ADAMTS12: variants seen among roughly 807,000 people sequenced by gnomAD.
ADAMTS12 encodes the protein A disintegrin and metalloproteinase with thrombospondin motifs 12.
In ADAMTS12, 118 loss-of-function variants were observed where a neutral mutation model predicts 167.8. That is an observed-to-expected ratio of 0.70 (90% confidence interval 0.61 to 0.82). The LOEUF (loss-of-function observed/expected upper bound fraction) is 0.82. Among genes scored for constraint, ADAMTS12 ranks in the 40% least tolerant of loss-of-function variants. The pLI is 0.00. For missense variants in ADAMTS12, 1,916 were observed against 1,998.8 expected (o/e 0.96, Z 0.79); for synonymous variants, 704 against 716.9 (o/e 0.98, Z 0.29).
intron 2 of ADAMTS12, among the ~76,000 whole-genome samples, chr5:33,824,155 A>G (rs983574379): frequency 6.6e-6 from 1 of 152,220 alleles, no homozygotes; most frequent in African/African-American, 2.4e-5. Context: ...AAGCACTAAG[A>G]TATCCTAAGA....
chr5:33,610,800 C>T (rs1738692604), intron 16 of ADAMTS12, among the ~76,000 whole-genome samples: 1 of 152,192 alleles, frequency 6.6e-6, no homozygotes, highest in African/African-American at 2.4e-5. Context: ...GGCACAGTGG[C>T]TCATGCCTGT....
At chr5:33,612,092 T>C (rs978597129) in intron 16 of ADAMTS12, among the ~76,000 whole-genome samples, 5 of 152,382 alleles carry the variant, frequency 3.3e-5, no homozygotes, top group East Asian at 1.9e-4. Context: ...GTGTGAATAA[T>C]AGCATTTCAT....
At chr5:33,601,308 T>G (rs1738177328) in intron 16 of ADAMTS12, among the ~76,000 whole-genome samples, 1 of 152,180 alleles carries the variant, frequency 6.6e-6, no homozygotes, top group African/African-American at 2.4e-5. Flanking sequence ...ATAGGGTTGT[T>G]GTGAGGACAA....
chr5:33,609,676 C>T (rs1404543917), intron 16 of ADAMTS12, among the ~76,000 whole-genome samples: 1 of 152,090 alleles, frequency 6.6e-6, no homozygotes, highest in Admixed American at 6.6e-5. Flanking sequence ...GTAAATAAGT[C>T]AACGTAAACA....
At chr5:33,658,873 T>C (rs1018893892) in intron 6 of ADAMTS12, among the ~76,000 whole-genome samples, 1 of 152,204 alleles carries the variant, frequency 6.6e-6, no homozygotes, top group African/African-American at 2.4e-5. Flanking sequence ...TATGAGAGAA[T>C]GCATGCCTGT....
intron 2 of ADAMTS12, among the ~76,000 whole-genome samples, chr5:33,829,322 C>G (rs969865329): frequency 3.9e-5 from 6 of 152,168 alleles, no homozygotes; most frequent in Admixed American, 6.5e-5. Context: ...AAGCTTCATC[C>G]AGATATGACC....
At chr5:33,753,158 T>A (rs560005632) in intron 2 of ADAMTS12, among the ~76,000 whole-genome samples, 3 of 152,302 alleles carry the variant, frequency 2.0e-5, no homozygotes, top group South Asian at 2.1e-4. Context: ...GGGAATCAAA[T>A]GAGGTGAAGC....
intron 2 of ADAMTS12, among the ~76,000 whole-genome samples, chr5:33,759,129 C>A (rs1745263490): frequency 6.6e-6 from 1 of 152,220 alleles, no homozygotes; most frequent in African/African-American, 2.4e-5. Flanking sequence ...AAGCCTCCAG[C>A]ACATCCCAGG....
intron 2 of ADAMTS12, among the ~76,000 whole-genome samples, chr5:33,858,665 AAAAAAGAAAAG>A (rs1308384788): frequency 6.8e-6 from 1 of 146,818 alleles, no homozygotes; most frequent in African/African-American, 2.6e-5. Flanking sequence ...CTCAAAAAAA[AAAAAAGAAAAG>A]AAAAAAGAAA....
chr5:33,635,395 T>C (rs1740141609), intron 12 of ADAMTS12, among the ~76,000 whole-genome samples: 1 of 152,174 alleles, frequency 6.6e-6, no homozygotes. Flanking sequence ...CTGTGTGTTT[T>C]CGTGCTTAAT....
At chr5:33,532,198 A>G (rs1426331156) in intron 23 of ADAMTS12, among the ~76,000 whole-genome samples, 3 of 152,208 alleles carry the variant, frequency 2.0e-5, no homozygotes, top group Non-Finnish European at 4.4e-5. Context: ...TCAGGCGATA[A>G]TATTTTTTTC....
chr5:33,813,684 T>C (rs1747544398), intron 2 of ADAMTS12, among the ~76,000 whole-genome samples: 1 of 152,052 alleles, frequency 6.6e-6, no homozygotes, highest in African/African-American at 2.4e-5. Context: ...ATATGGAAAA[T>C]AATTAAGGTC....
chr5:33,622,793 C>G (rs931022074), intron 14 of ADAMTS12, among the ~76,000 whole-genome samples: 13 of 152,192 alleles, frequency 8.5e-5, no homozygotes. Context: ...CTTGTAAAAA[C>G]ATTGGCTATC....
chr5:33,768,030 T>C (rs1361237567), intron 2 of ADAMTS12, among the ~76,000 whole-genome samples: 2 of 152,184 alleles, frequency 1.3e-5, no homozygotes, highest in Non-Finnish European at 2.9e-5. Flanking sequence ...AACTGGCACA[T>C]ATTTTTTCTA....
chr5:33,573,817 A>G (rs1409989203), intron 19 of ADAMTS12, among the ~76,000 whole-genome samples: 155 of 152,292 alleles, frequency 1.0e-3, no homozygotes, highest in African/African-American at 3.5e-3. Flanking sequence ...GCAACCTACA[A>G]AATGGGAGAA....
At chr5:33,664,418 GGAAAGACAGC>G (rs1741392887) in intron 5 of ADAMTS12, among the ~76,000 whole-genome samples, 1 of 151,886 alleles carries the variant, frequency 6.6e-6, no homozygotes, top group South Asian at 2.1e-4. Context: ...ATTCACTGAA[GGAAAGACAGC>G]CTTTTCAATA....
intron 22 of ADAMTS12, among the ~76,000 whole-genome samples, chr5:33,535,291 C>T (rs998102766): frequency 1.3e-5 from 2 of 152,182 alleles, no homozygotes; most frequent in African/African-American, 4.8e-5. Context: ...ATGGCTACAG[C>T]ACTGGGCTCC....
At chr5:33,831,192 T>C (rs140181428) in intron 2 of ADAMTS12, among the ~76,000 whole-genome samples, 19 of 152,348 alleles carry the variant, frequency 1.2e-4, no homozygotes, top group Admixed American at 5.9e-4. Context: ...CTTTTAAGCA[T>C]GCTACAGATA....
chr5:33,881,767 T>G (rs1317815875), intron 1 of ADAMTS12, among the ~76,000 whole-genome samples: 3 of 149,876 alleles, frequency 2.0e-5, no homozygotes, highest in Admixed American at 6.6e-5. Context: ...AGAGACAGGA[T>G]TTCTCCATGT....
Sources: gnomAD v4.1 joint callset for allele counts (sites outside exome capture counted in the v4.1 genomes callset) on GRCh38, gnomAD v4.1.1 for gene constraint, MANE v1.5 for transcripts, NCBI Gene and HGNC (gene_info 2026-07-23, HGNC 2026-07-21) for gene names.